Variants in HTR2C observed in about 807,000 individuals in gnomAD.
The protein encoded by HTR2C is 5-hydroxytryptamine receptor 2C, also known as 5-hydroxytryptamine (serotonin) receptor 2C, G protein-coupled.
HTR2C carries 5 observed loss-of-function variants against 21.0 expected under a neutral mutation model. The ratio of observed to expected loss-of-function variants is 0.24; its 90% confidence interval spans 0.12 to 0.50. HTR2C has a LOEUF of 0.50. Among genes scored for constraint, HTR2C ranks in the 20% least tolerant of loss-of-function variants. HTR2C has a pLI of 0.98. For synonymous variants in HTR2C, 150 were observed against 145.3 expected, an observed-to-expected ratio of 1.03 and a Z score of -0.23; for missense variants, 271 against 371.2, an observed-to-expected ratio of 0.73 and a Z score of 2.22.
At chrX:114,638,968 A>T (rs1392344049) in intron 2 of HTR2C, among the ~76,000 whole-genome samples, 1 of 110,703 alleles carries the variant, frequency 9.0e-6, no homozygotes, top group Non-Finnish European at 1.9e-5. Flanking sequence ...ATTGTGAATA[A>T]TGCCGCAATA....
At chrX:114,833,555 A>G (rs1166557222) in intron 4 of HTR2C, among the ~76,000 whole-genome samples, 1 of 108,490 alleles carries the variant, frequency 9.2e-6, no homozygotes, top group Admixed American at 9.7e-5. Flanking sequence ...TATCCCCTTT[A>G]TCATTTTTTA....
At chrX:114,629,101 T>C (rs1299433698) in intron 2 of HTR2C, among the ~76,000 whole-genome samples, 2 of 111,954 alleles carry the variant, frequency 1.8e-5, no homozygotes, top group Non-Finnish European at 3.8e-5. Context: ...TAAGAGAGTA[T>C]CTATACTCTG....
chrX:114,684,270 GT>G (rs1931844184), intron 2 of HTR2C, among the ~76,000 whole-genome samples: 1 of 111,250 alleles, frequency 9.0e-6, no homozygotes, highest in African/African-American at 3.3e-5. Flanking sequence ...TTCTAAAATG[GT>G]TAGCTGACCG....
intron 5 of HTR2C, among the ~76,000 whole-genome samples, chrX:114,894,790 G>A (rs1426968098): frequency 1.8e-5 from 2 of 110,045 alleles, no homozygotes; most frequent in African/African-American, 3.3e-5. Flanking sequence ...TCATGATCTC[G>A]GCTCACTGCA....
chrX:114,807,426 A>G (rs868951509), intron 4 of HTR2C, among the ~76,000 whole-genome samples: 24 of 83,930 alleles, frequency 2.9e-4, no homozygotes, highest in African/African-American at 1.0e-3. Flanking sequence ...TCTATACCAT[A>G]TATATACGCC....
At chrX:114,784,139 G>GAAA (rs782206746) in intron 4 of HTR2C, among the ~76,000 whole-genome samples, 1 of 70,765 alleles carries the variant, frequency 1.4e-5, no homozygotes, top group Non-Finnish European at 2.8e-5. Context: ...TTGGTTCTCT[G>GAAA]AAAAAAAAAA....
At chrX:114,868,894 A>C (rs2071068229) in intron 5 of HTR2C, among the ~76,000 whole-genome samples, 1 of 109,851 alleles carries the variant, frequency 9.1e-6, no homozygotes, top group Admixed American at 9.7e-5. Flanking sequence ...CACAATGTGC[A>C]GGTTTGATAC....
intron 2 of HTR2C, among the ~76,000 whole-genome samples, chrX:114,639,674 A>C (rs918351139): frequency 8.9e-6 from 1 of 112,112 alleles, no homozygotes; most frequent in Non-Finnish European, 1.9e-5. Flanking sequence ...TACTTTTCTC[A>C]GGCCATTTCT....
At chrX:114,883,627 C>T (rs1556480395) in intron 5 of HTR2C, among the ~76,000 whole-genome samples, 2 of 109,198 alleles carry the variant, frequency 1.8e-5, no homozygotes, top group African/African-American at 6.6e-5. Context: ...TGTTTATTCA[C>T]CTAAAAGTAT....
At chrX:114,793,250 C>T (rs1222467751) in intron 4 of HTR2C, among the ~76,000 whole-genome samples, 1 of 111,324 alleles carries the variant, frequency 9.0e-6, no homozygotes, top group African/African-American at 3.3e-5. Flanking sequence ...TTGTTTTCAT[C>T]ATGATCCCAT....
At chrX:114,894,165 C>G (rs2071278570) in intron 5 of HTR2C, among the ~76,000 whole-genome samples, 1 of 111,052 alleles carries the variant, frequency 9.0e-6, no homozygotes, top group Non-Finnish European at 1.9e-5. Flanking sequence ...TTACATTTAC[C>G]CAAATGATAC....
intron 2 of HTR2C, among the ~76,000 whole-genome samples, chrX:114,678,334 A>T (rs1556413078): frequency 9.0e-6 from 1 of 110,705 alleles, no homozygotes; most frequent in African/African-American, 3.3e-5. Context: ...AAACAGACCT[A>T]AATTAAAAAG....
intron 2 of HTR2C, among the ~76,000 whole-genome samples, chrX:114,648,693 G>T (rs185424242): frequency 5.4e-5 from 6 of 111,728 alleles, no homozygotes; most frequent in Admixed American, 4.7e-4. Context: ...GTGCCACTGC[G>T]CTCCAACCTG....
At chrX:114,669,244 TTAATC>T (rs1265019963) in intron 2 of HTR2C, among the ~76,000 whole-genome samples, 2 of 111,611 alleles carry the variant, frequency 1.8e-5, no homozygotes, top group African/African-American at 6.5e-5. Flanking sequence ...ATCTTACCAA[TTAATC>T]TAAGAACCAT....
chrX:114,808,054 T>C (rs1365150114), intron 4 of HTR2C, among the ~76,000 whole-genome samples: 1 of 110,951 alleles, frequency 9.0e-6, no homozygotes, highest in Non-Finnish European at 1.9e-5. Context: ...TAGATCTTAC[T>C]CATTCTTCCT....
chrX:114,759,964 GC>G (rs1303867289), intron 4 of HTR2C, among the ~76,000 whole-genome samples: 2 of 111,850 alleles, frequency 1.8e-5, no homozygotes, highest in African/African-American at 6.5e-5. Context: ...AAACAGACAT[GC>G]CTTCAAGGAG....
At chrX:114,755,202 T>C (rs1168186362) in intron 4 of HTR2C, among the ~76,000 whole-genome samples, 1 of 105,836 alleles carries the variant, frequency 9.4e-6, no homozygotes, top group African/African-American at 3.5e-5. Flanking sequence ...ATCGCACCAT[T>C]GCACTCCAGC....
chrX:114,859,566 T>C (rs1341803665), intron 5 of HTR2C, among the ~76,000 whole-genome samples: 2 of 111,058 alleles, frequency 1.8e-5, no homozygotes, highest in Non-Finnish European at 1.9e-5. Flanking sequence ...CAGAGAATGG[T>C]TATCTCTGTT....
chrX:114,741,545 A>T (rs1333858895), intron 4 of HTR2C, among the ~76,000 whole-genome samples: 1 of 89,430 alleles, frequency 1.1e-5, no homozygotes, highest in Non-Finnish European at 2.2e-5. Context: ...AAAAAAAAAA[A>T]AAAATATGAG....
Sources: allele counts gnomAD v4.1 joint callset (sites outside exome capture counted in the v4.1 genomes callset), GRCh38; gene constraint gnomAD v4.1.1; transcripts MANE v1.5; gene names NCBI Gene and HGNC (gene_info 2026-07-23, HGNC 2026-07-21).